Variants in ZC3H3 observed in about 807,000 individuals in gnomAD.
ZC3H3 encodes the protein zinc finger CCCH domain-containing protein 3.
A neutral mutation model predicts 77.3 loss-of-function variants in ZC3H3; 36 were observed. The ratio of observed to expected loss-of-function variants is 0.47; its 90% CI spans 0.36 to 0.61. The LOEUF (loss-of-function observed/expected upper bound fraction) is 0.61. Among genes scored for constraint, ZC3H3 ranks in the 20% least tolerant of loss-of-function variants. ZC3H3 has a pLI of 0.00. For missense variants in ZC3H3, 1,331 were observed against 1,312.2 expected (o/e 1.01, Z -0.22); for synonymous variants, 626 against 555.2 (o/e 1.13, Z -1.79).
intron 11 of ZC3H3, among the ~76,000 whole-genome samples, chr8:143,439,548 G>A (rs1819670156): frequency 6.6e-6 from 1 of 152,182 alleles, no homozygotes; most frequent in Non-Finnish European, 1.5e-5. Flanking sequence ...TGCTCATCGG[G>A]GGAGAGGGAA....
Position 143,475,496 on chromosome 8 carries a change from C to G in ZC3H3, c.1805G>C (p.Arg602Pro). 1.2e-6 allele frequency: 2 copies of G among 1,612,956 alleles called. No homozygotes were observed. Among genetic ancestry groups the G allele is most frequent in the Non-Finnish European group, 1.7e-6 (2 of 1,179,902 alleles). Residue 602 changes from arginine (R) to proline (P), a missense_variant, in exon 5 of 12, where the codon CGC becomes CCC. Around this residue, in one of 3 missense-constraint regions of ZC3H3, gnomAD observed 978 missense variants for 915.5 expected, o/e 1.07. Transcript: ENST00000262577. Reference sequence around the variant, plus strand: ...TTTGTAGAGGACCCCTCCGATGCAGCGGTAGCCTTTGCTCCGCCACCAAGG... The same window carrying G: ...TTTGTAGAGGACCCCTCCGATGCAGGGGTAGCCTTTGCTCCGCCACCAAGG... ...GSPWWRSKGY[R>P]CIGGVLYKVS...
intron 4 of ZC3H3, among the ~76,000 whole-genome samples, chr8:143,492,000 G>A (rs903556182): frequency 3.3e-5 from 5 of 152,210 alleles, no homozygotes; most frequent in Admixed American, 6.5e-5. Flanking sequence ...GCACCTAAGC[G>A]TGGCTCGTAT....
At chr8:143,517,177 C>T (rs1026607209) in intron 3 of ZC3H3, among the ~76,000 whole-genome samples, 4 of 152,216 alleles carry the variant, frequency 2.6e-5, no homozygotes, top group Non-Finnish European at 4.4e-5. Context: ...ATCGATCGCA[C>T]GCCGACACCT....
At chr8:143,523,931 G>GCCC (rs1822331250) in intron 3 of ZC3H3, among the ~76,000 whole-genome samples, 1 of 152,228 alleles carries the variant, frequency 6.6e-6, no homozygotes, top group African/African-American at 2.4e-5. Context: ...GCCCCACAGG[G>GCCC]CCATGTCTGA....
At chr8:143,524,533 C>T (rs187808421) in intron 3 of ZC3H3, among the ~76,000 whole-genome samples, 24 of 152,366 alleles carry the variant, frequency 1.6e-4, no homozygotes, top group Admixed American at 1.4e-3. Flanking sequence ...GCCTCAGAGC[C>T]AGGCCCCCAG....
At chr8:143,504,584 C>T (rs1375674878) in intron 4 of ZC3H3, among the ~76,000 whole-genome samples, 1 of 152,180 alleles carries the variant, frequency 6.6e-6, no homozygotes, top group Admixed American at 6.5e-5. Context: ...CTACCCATTT[C>T]GCATGGTACA....
rs1209592240 is a variant in ZC3H3 at position 143,460,012 on chromosome 8, C to T, written c.2307+5705G>A. On this transcript the variant is annotated intron_variant, in intron 9 of 11. Transcript: ENST00000262577. The surrounding 1 kb of genome is among the most constrained non-coding windows in gnomAD (Gnocchi z 4.0). ...CTATAATCCCAGCACTTTGGGAGGC[C>T]AAGGCAGGCGGATCATCTGAGGTCA... Among the ~76,000 whole-genome samples, 1 of 151,904 alleles carries T rather than the reference C, an allele frequency of 6.6e-6. No individual in the cohort carries two copies. Among genetic ancestry groups the T allele is most frequent in the Non-Finnish European group, 1.5e-5 (1 of 68,032 alleles).
At chr8:143,442,204 C>A (rs2129790038) in intron 9 of ZC3H3, among the ~76,000 whole-genome samples, 1 of 152,212 alleles carries the variant, frequency 6.6e-6, no homozygotes, top group South Asian at 2.1e-4. Context: ...GTGGTGTGGC[C>A]CCCGCCATAC....
At chr8:143,465,199 G>A (rs924868322) in intron 9 of ZC3H3, among the ~76,000 whole-genome samples, 2 of 152,218 alleles carry the variant, frequency 1.3e-5, no homozygotes, top group African/African-American at 2.4e-5. Context: ...GAGCTCCAGC[G>A]CCAGCTCACT....
At chr8:143,506,408 G>A (rs1313625748) in intron 4 of ZC3H3, among the ~76,000 whole-genome samples, 1 of 152,164 alleles carries the variant, frequency 6.6e-6, no homozygotes, top group Non-Finnish European at 1.5e-5. Context: ...GCTCGATCAT[G>A]ACTCCCGATC....
chr8:143,538,032 G>A lies in ZC3H3; in HGVS notation c.1335C>T (p.Thr445=), dbSNP rs777021434. Residue 445 remains threonine, a synonymous_variant, in exon 2 of 12, where the codon ACC becomes ACT. Transcript: ENST00000262577. ...PLSAYKVKSR[T]KIIRRRSSTS... ...TGCTGCTGCGTCTCCGGATGATCTT[G>A]GTGCGGCTCTTCACTTTGTAAGCCG... 1 of 1,610,940 alleles carries A rather than the reference G, an allele frequency of 6.2e-7. No homozygotes were observed. The highest frequency in any genetic ancestry group is 8.5e-7 in the Non-Finnish European group (1 of 1,178,728).
intron 3 of ZC3H3, among the ~76,000 whole-genome samples, chr8:143,527,474 C>T (rs746032177): frequency 6.6e-6 from 1 of 152,130 alleles, no homozygotes; most frequent in Non-Finnish European, 1.5e-5. Context: ...AGCACCACCA[C>T]GGCACACACG....
At chr8:143,519,548 G>A (rs979466847) in intron 3 of ZC3H3, among the ~76,000 whole-genome samples, 2 of 152,186 alleles carry the variant, frequency 1.3e-5, no homozygotes, top group African/African-American at 2.4e-5. Context: ...CAGGCTGCCC[G>A]GAGGCAAGCC....
chr8:143,501,257 G>A (rs1433921133), intron 4 of ZC3H3, among the ~76,000 whole-genome samples: 18 of 152,158 alleles, frequency 1.2e-4, no homozygotes, highest in Admixed American at 1.2e-3. Flanking sequence ...CTGGAGTACA[G>A]TGGCATGATC....
rs1460637597 is a variant in ZC3H3, at chr8:143,538,745, C to T, written c.622G>A (p.Val208Met). Residue 208 changes from valine (V) to methionine (M), a missense_variant, in exon 2 of 12, where the codon GTG (valine) becomes ATG (methionine). By Grantham distance (21) the Val-to-Met change is conservative (BLOSUM62 1). Coordinates refer to ENST00000262577, the MANE Select transcript of ZC3H3 (RefSeq NM_015117.3). ...KPRMVKSVGS[V>M]GDSPREPRRT... is the part of the protein sequence containing the mutation. Reference sequence around the variant, plus strand: ...CGGGGCTCCCGGGGGCTGTCGCCCACACTGCCCACTGACTTCACCATCCTG... The same window carrying T: ...CGGGGCTCCCGGGGGCTGTCGCCCATACTGCCCACTGACTTCACCATCCTG... The T allele has an allele frequency of 1.2e-6, 2 of 1,610,784 alleles. No individual in the cohort carries two copies. Among genetic ancestry groups the T allele is most frequent in the South Asian group, 2.2e-5 (2 of 91,038 alleles).
chr8:143,476,395 G>A (rs1820735668), intron 4 of ZC3H3, among the ~76,000 whole-genome samples: 1 of 152,174 alleles, frequency 6.6e-6, no homozygotes, highest in Non-Finnish European at 1.5e-5. Flanking sequence ...AAGAGACCTA[G>A]GCCGACAGAC....
chr8:143,499,242 A>G lies in ZC3H3; in HGVS notation c.1715+8504T>C, dbSNP rs146888818. On this transcript the variant is annotated intron_variant, in intron 4 of 11. Coordinates refer to ENST00000262577, the MANE Select transcript of ZC3H3 (RefSeq NM_015117.3). ...GGAAGCCCAGGACGAAGAGAACCGCATGTCCTGGGTTCTCTGGACAGAGGG... is the reference window on the plus strand; with the variant it reads ...GGAAGCCCAGGACGAAGAGAACCGCGTGTCCTGGGTTCTCTGGACAGAGGG... Among the ~76,000 whole-genome samples, 1,297 of 152,178 alleles carry G rather than the reference A, an allele frequency of 8.5e-3. 16 individuals carry two copies. Among genetic ancestry groups the G allele is most frequent in the African/African-American group, 0.03 (1,235 of 41,492 alleles).
chr8:143,474,469 C>G (rs2129902523), intron 5 of ZC3H3, among the ~76,000 whole-genome samples: 1 of 152,256 alleles, frequency 6.6e-6, no homozygotes, highest in East Asian at 1.9e-4. Flanking sequence ...CTCCCAGCGA[C>G]TCTGCCCAGG....
Position 143,528,167 on chromosome 8 carries a change from G to A in ZC3H3, c.1561+8090C>T, listed in dbSNP as rs1197195309. ...AAGCCCACCCTGGCAACCACCCTGC[G>A]GTGCACCTCGGGCCCTGCGTGCTCC... On this transcript the variant is annotated intron_variant, in intron 3 of 11. Coordinates refer to ENST00000262577, the MANE Select transcript of ZC3H3 (RefSeq NM_015117.3). Among the ~76,000 whole-genome samples, 5 of 152,162 alleles carry A rather than the reference G, an allele frequency of 3.3e-5. No individual in the cohort carries two copies. The East Asian group carries it at 5.8e-4, about 18-fold the overall frequency.
Sources: allele counts gnomAD v4.1 joint callset (sites outside exome capture counted in the v4.1 genomes callset), GRCh38; gene constraint gnomAD v4.1.1; regional missense constraint gnomAD v4.1.1; non-coding constraint Gnocchi (gnomAD v3.1); transcripts MANE v1.5; gene names NCBI Gene and HGNC (gene_info 2026-07-23, HGNC 2026-07-21).